The following PDE1C variants were observed in gnomAD, a reference collection of about 807,000 sequenced individuals.
The protein encoded by PDE1C is phosphodiesterase 1C.
In PDE1C, 62 loss-of-function variants were observed where a neutral mutation model predicts 93.1. That is an observed-to-expected ratio of 0.67 (90% CI 0.54 to 0.82). The LOEUF is 0.82. PDE1C is among the 40% of genes least tolerant of loss of function. The pLI, the probability that PDE1C is intolerant of heterozygous loss-of-function variation, is 0.00. For missense variants in PDE1C, 742 were observed against 884.6 expected (o/e 0.84, Z 2.04); for synonymous variants, 325 against 310.1 (o/e 1.05, Z -0.50).
At chr7:31,930,158 T>A (rs1426298256) in intron 2 of PDE1C, among the ~76,000 whole-genome samples, 2 of 151,818 alleles carry the variant, frequency 1.3e-5, no homozygotes, top group East Asian at 3.9e-4. Context: ...ACTAGAAAAA[T>A]CTAGAAGAAA....
intron 1 of PDE1C, among the ~76,000 whole-genome samples, chr7:32,348,539 T>A (rs1326820437): frequency 6.6e-6 from 1 of 151,916 alleles, no homozygotes; most frequent in Non-Finnish European, 1.5e-5. Flanking sequence ...TAATTTTTTG[T>A]ATTTTAGTAG....
chr7:31,698,786 T>C, the PDE1C span, among the ~76,000 whole-genome samples: 1 of 152,200 alleles, frequency 6.6e-6, no homozygotes, highest in South Asian at 2.1e-4. Flanking sequence ...AGAAATTGCT[T>C]CTTTAGATTT....
chr7:31,813,547 T>A (rs1187041146), intron 15 of PDE1C, among the ~76,000 whole-genome samples: 2 of 152,144 alleles, frequency 1.3e-5, no homozygotes, highest in African/African-American at 2.4e-5. Context: ...GTTGGTTCAG[T>A]CCTCAGAAGG....
In PDE1C at chr7:32,279,295, A is replaced by T. The variant is rs536725986; in HGVS notation, c.85+19356T>A. 5.3e-5 allele frequency among the ~76,000 whole-genome samples: 8 copies of T among 152,322 alleles called. No individual in the cohort carries two copies. In the South Asian group the frequency reaches 1.7e-3, roughly 32 times the overall value. ...ATATGTCTTCCAAACATTAGAAAAG[A>T]TAAAAGGTAAAGAAAATATAGCCCA... On this transcript the variant is annotated intron_variant, in intron 1 of 18. Transcript: ENST00000396193.
At chr7:32,039,737 TTCACTGAAA>T (rs1267442596) in intron 2 of PDE1C, among the ~76,000 whole-genome samples, 2 of 152,168 alleles carry the variant, frequency 1.3e-5, no homozygotes, top group Admixed American at 1.3e-4. Flanking sequence ...CCTACTAATT[TTCACTGAAA>T]TCACTATTAT....
At chr7:32,240,267 T>C (rs1808445647) in intron 1 of PDE1C, among the ~76,000 whole-genome samples, 1 of 152,208 alleles carries the variant, frequency 6.6e-6, no homozygotes, top group African/African-American at 2.4e-5. Context: ...TGGTAATGAA[T>C]GATTATCTGG....
chr7:31,745,747 A>T, the PDE1C span, among the ~76,000 whole-genome samples: 1 of 152,240 alleles, frequency 6.6e-6, no homozygotes, highest in Admixed American at 6.5e-5. Flanking sequence ...GGTGCAAAAT[A>T]GTAATAAGTA....
chr7:31,816,247 T>A, intron 14 of PDE1C, 93 bp from the exon 15 acceptor site: 1 of 1,159,686 alleles, frequency 8.6e-7, no homozygotes, highest in Non-Finnish European at 1.2e-6. Flanking sequence ...AAAGAGTATC[T>A]AAGGTGTTTA....
At chr7:32,362,339 A>C (rs913850701) in intron 1 of PDE1C, among the ~76,000 whole-genome samples, 1 of 152,124 alleles carries the variant, frequency 6.6e-6, no homozygotes, top group East Asian at 1.9e-4. Context: ...AGTGTTCTGC[A>C]TCCAACTCTG....
At chr7:31,884,673 C>T (rs939791753) in intron 2 of PDE1C, among the ~76,000 whole-genome samples, 2 of 152,176 alleles carry the variant, frequency 1.3e-5, no homozygotes, top group Non-Finnish European at 2.9e-5. Context: ...CTCAGCCCAC[C>T]TTTCTCTAGC....
chr7:32,210,682 C>T (rs1206905485), intron 1 of PDE1C, among the ~76,000 whole-genome samples: 2 of 152,180 alleles, frequency 1.3e-5, no homozygotes, highest in Non-Finnish European at 2.9e-5. Context: ...CATCTACACT[C>T]TATTACTAAT....
chr7:31,858,501 G>T (rs1193199407), intron 7 of PDE1C, among the ~76,000 whole-genome samples: 1 of 151,940 alleles, frequency 6.6e-6, no homozygotes, highest in Admixed American at 6.6e-5. Context: ...TGAGATTTGG[G>T]GATTGTTTGA....
chr7:31,999,070 C>G (rs576003392), intron 2 of PDE1C, among the ~76,000 whole-genome samples: 29 of 152,240 alleles, frequency 1.9e-4, no homozygotes, highest in Admixed American at 1.2e-3. Context: ...TATGCCGACC[C>G]TTACTCATCT....
intron 1 of PDE1C, among the ~76,000 whole-genome samples, chr7:32,311,735 G>T (rs985563535): frequency 2.0e-4 from 31 of 152,074 alleles, no homozygotes; most frequent in Admixed American, 1.2e-3. Flanking sequence ...CAATAAATTA[G>T]GTATTGATGG....
At chr7:31,867,480 C>G (rs867261660) in intron 6 of PDE1C, among the ~76,000 whole-genome samples, 2 of 152,144 alleles carry the variant, frequency 1.3e-5, no homozygotes, top group African/African-American at 4.8e-5. Context: ...CACCTGAGGT[C>G]AGGCCCACTC....
At chr7:31,783,271 C>G (rs530758792) in intron 16 of PDE1C, among the ~76,000 whole-genome samples, 1 of 152,276 alleles carries the variant, frequency 6.6e-6, no homozygotes, top group East Asian at 1.9e-4. Flanking sequence ...TGATAAGCTT[C>G]TGATAACCCA....
chr7:32,206,240 A>C (rs929684987), intron 2 of PDE1C, among the ~76,000 whole-genome samples: 3 of 152,070 alleles, frequency 2.0e-5, no homozygotes, highest in Non-Finnish European at 4.4e-5. Flanking sequence ...GTGTATGCTG[A>C]TAATGGGACG....
intron 2 of PDE1C, among the ~76,000 whole-genome samples, chr7:32,021,224 A>G (rs1788624533): frequency 6.6e-6 from 1 of 152,122 alleles, no homozygotes; most frequent in South Asian, 2.1e-4. Context: ...TCCCACATCC[A>G]TAGTTGCAGA....
chr7:31,821,698 C>G (rs1788986836), intron 14 of PDE1C, among the ~76,000 whole-genome samples: 1 of 152,076 alleles, frequency 6.6e-6, no homozygotes, highest in South Asian at 2.1e-4. Flanking sequence ...CTAAAAGTGC[C>G]ATAAATATAA....
Sources: gnomAD v4.1 joint callset for allele counts (sites outside exome capture counted in the v4.1 genomes callset) on GRCh38, gnomAD v4.1.1 for gene constraint, MANE v1.5 for transcripts, NCBI Gene and HGNC (gene_info 2026-07-23, HGNC 2026-07-21) for gene names.